MICALL1: variants seen among roughly 807,000 people sequenced by gnomAD.
MICALL1 encodes MICAL-like protein 1.
A neutral mutation model predicts 83.7 loss-of-function variants in MICALL1; 61 were observed. That is an observed-to-expected ratio of 0.73 (90% CI 0.59 to 0.90). The LOEUF (loss-of-function observed/expected upper bound fraction) is 0.90. Ranked by LOEUF, MICALL1 falls within the 40% of genes least tolerant of loss-of-function variation. The pLI, the probability that MICALL1 is intolerant of heterozygous loss-of-function variation, is 0.00. For synonymous variants in MICALL1, 481 were observed against 473.6 expected, an observed-to-expected ratio of 1.02 and a Z score of -0.20; for missense variants, 1,066 against 1,152.0, an observed-to-expected ratio of 0.93 and a Z score of 1.08.
intron 9 of MICALL1, 47 bp downstream of exon 9, chr22:37,927,873 A>G (rs772526206): frequency 3.2e-5 from 49 of 1,536,758 alleles, no homozygotes; most frequent in Non-Finnish European, 4.2e-5. Flanking sequence ...TCTCTAGTGG[A>G]TGCGGGTCTG....
intron 8 of MICALL1, among the ~76,000 whole-genome samples, chr22:37,926,378 A>C (rs1387572235): frequency 1.3e-5 from 2 of 152,124 alleles, no homozygotes; most frequent in Non-Finnish European, 2.9e-5. Flanking sequence ...TGGTGTGCTC[A>C]GTGCAGCGAG....
intron 1 of MICALL1, chr22:37,907,033 C>T (rs1290334743): frequency 6.5e-6 from 1 of 152,692 alleles, no homozygotes; most frequent in Admixed American, 6.5e-5. Flanking sequence ...TGAACCCCCA[C>T]TTCTCTGACC....
chr22:37,918,185 C>T (rs560976777), intron 4 of MICALL1, among the ~76,000 whole-genome samples: 3 of 152,214 alleles, frequency 2.0e-5, no homozygotes, highest in Non-Finnish European at 4.4e-5. Context: ...GTAAACTTCC[C>T]GGCTTGATTT....
Position 37,906,321 on chromosome 22 carries a change from G to C in MICALL1, c.-102G>C, listed in dbSNP as rs1419050108. 17 of 887,574 alleles carry C rather than the reference G, an allele frequency of 1.9e-5. No homozygotes were observed. Among genetic ancestry groups the C allele is most frequent in the Admixed American group, 6.2e-5 (1 of 16,196 alleles). The allele number at this position is 887,574 out of a possible 1,614,324, so 55.0% of individuals were successfully genotyped here. A position where few individuals can be genotyped will look rare whatever the true frequency, so the allele number is the denominator to read the frequency against. On this transcript the variant is annotated 5_prime_UTR_variant, in exon 1 of 16. Coordinates refer to ENST00000215957, the MANE Select transcript of MICALL1 (RefSeq NM_033386.4). The surrounding 1 kb of genome is among the most constrained non-coding windows in gnomAD (Gnocchi z 4.4). ...CGCCTGCCGGTCGGCGCCCGAGCTC[G>C]GAGCCGCAGCCGCAGCCGGAAACCG...
chr22:37,908,399 C>G (rs1257547525), intron 1 of MICALL1, among the ~76,000 whole-genome samples: 1 of 151,882 alleles, frequency 6.6e-6, no homozygotes, highest in Non-Finnish European at 1.5e-5. Context: ...CTCCCGGGCT[C>G]AAGCAATCCT....
Position 37,924,358 on chromosome 22 carries a change from G to T in MICALL1, c.1025-302G>T, listed in dbSNP as rs563573353. Reference sequence around the variant, plus strand: ...CTTGGGAGTCCAGGACTTCCAGGAGGAGGTGGCTCCCAGGCTGACTTGAGA... The same window carrying T: ...CTTGGGAGTCCAGGACTTCCAGGAGTAGGTGGCTCCCAGGCTGACTTGAGA... On this transcript the variant is annotated intron_variant, in intron 6 of 15. Coordinates refer to ENST00000215957, the MANE Select transcript of MICALL1 (RefSeq NM_033386.4). This position sits in a 1 kb window ranked among gnomAD's most constrained non-coding sequence, Gnocchi z 5.2. Among the ~76,000 whole-genome samples, 1 of 152,280 alleles carries T rather than the reference G, an allele frequency of 6.6e-6. No individual in the cohort carries two copies. Among genetic ancestry groups the T allele is most frequent in the Non-Finnish European group, 1.5e-5 (1 of 67,996 alleles).
chr22:37,916,744 T>C (rs1369148191), intron 3 of MICALL1, among the ~76,000 whole-genome samples: 1 of 152,124 alleles, frequency 6.6e-6, no homozygotes, highest in African/African-American at 2.4e-5. Context: ...CGAGTGGCTG[T>C]GGGAAATCAG....
chr22:37,906,936 C>G lies in MICALL1; in HGVS notation c.146+368C>G, dbSNP rs1187819886. On this transcript the variant is annotated intron_variant, in intron 1 of 15. Transcript: ENST00000215957. The surrounding 1 kb of genome is among the most constrained non-coding windows in gnomAD (Gnocchi z 4.4). ...TTTGGGGGCCCTGGGCCTCTCCTAC[C>G]CTAAACTCTTCTCCACGGGCTCGCC... 1 of 153,580 alleles carries G rather than the reference C, an allele frequency of 6.5e-6. No individual in the cohort carries two copies. Among genetic ancestry groups the G allele is most frequent in the African/African-American group, 2.4e-5 (1 of 41,516 alleles). The allele number at this position is 153,580 out of a possible 1,614,324, so 9.5% of individuals were successfully genotyped here.
At chr22:37,921,432 G>T (rs924386222) in intron 5 of MICALL1, among the ~76,000 whole-genome samples, 21 of 152,114 alleles carry the variant, frequency 1.4e-4, no homozygotes, top group Admixed American at 1.2e-3. Flanking sequence ...AATTAGCCAG[G>T]TGTGGTGGCA....
chr22:37,935,300 G>A (rs555566678), intron 13 of MICALL1, among the ~76,000 whole-genome samples: 21 of 150,704 alleles, frequency 1.4e-4, no homozygotes, highest in East Asian at 3.9e-4. Flanking sequence ...TCGCTCTGTC[G>A]CCTAGGCTGG....
At chr22:37,912,580 T>A in intron 3 of MICALL1, 88 bp downstream of exon 3, 1 of 1,295,220 alleles carries the variant, frequency 7.7e-7, no homozygotes, top group Non-Finnish European at 1.1e-6. Context: ...TTCTGAGTTG[T>A]AAACAGGCTG....
At chr22:37,940,195 CG>C (rs1159184358) in intron 15 of MICALL1, among the ~76,000 whole-genome samples, 1 of 151,852 alleles carries the variant, frequency 6.6e-6, no homozygotes, top group East Asian at 1.9e-4. Flanking sequence ...GAGGCTGAGG[CG>C]GGGGGGATCA....
intron 9 of MICALL1, 108 bp downstream of exon 9, chr22:37,927,934 GTCTC>G (rs768676027): frequency 8.5e-7 from 1 of 1,178,462 alleles, no homozygotes; most frequent in Non-Finnish European, 1.2e-6. Context: ...TTGAGATGGA[GTCTC>G]TCTCTGTCAC....
Position 37,922,601 on chromosome 22 carries a change from A to AT in MICALL1, c.1024+200dup, listed in dbSNP as rs1198282750. ...ATTATATATATATATATATATATAT[A>AT]TTTTTTTTTTTTTTTTTTTTTTTTT... On this transcript the variant is annotated intron_variant, in intron 6 of 15. Transcript: ENST00000215957. Among the ~76,000 whole-genome samples, 200 of 31,966 alleles carry AT rather than the reference A, an allele frequency of 6.3e-3. 14 individuals are homozygous for AT. Among genetic ancestry groups the AT allele is most frequent in the Non-Finnish European group, 7.0e-3 (111 of 15,816 alleles). The allele number at this position is 31,966 out of a possible 152,430, so 21.0% of individuals were successfully genotyped here. A position where few individuals can be genotyped will look rare whatever the true frequency, so the allele number is the denominator to read the frequency against.
chr22:37,911,362 G>A (rs1000533392), intron 1 of MICALL1, among the ~76,000 whole-genome samples: 1 of 152,228 alleles, frequency 6.6e-6, no homozygotes, highest in Non-Finnish European at 1.5e-5. Flanking sequence ...TTGGGATGCA[G>A]CAAGTTGGTG....
intron 3 of MICALL1, among the ~76,000 whole-genome samples, chr22:37,913,897 C>G (rs1928499652): frequency 7.5e-6 from 1 of 132,704 alleles, no homozygotes; most frequent in Non-Finnish European, 1.6e-5. Context: ...TTTTTTGATA[C>G]AGAGTTTTGC....
intron 5 of MICALL1, among the ~76,000 whole-genome samples, chr22:37,920,426 C>T (rs1223560132): frequency 6.6e-6 from 1 of 151,848 alleles, no homozygotes; most frequent in East Asian, 2.0e-4. Flanking sequence ...GAGGAGGAAA[C>T]AGACTCTACC....
chr22:37,938,993 C>T (rs897065257), intron 15 of MICALL1, among the ~76,000 whole-genome samples: 3 of 151,982 alleles, frequency 2.0e-5, no homozygotes, highest in Non-Finnish European at 4.4e-5. Context: ...TGGCCTCAAG[C>T]GATCTGCCCA....
rs1929543836 is a variant in MICALL1, at chr22:37,927,631, C to G, written c.1686C>G (p.Ser562=). Residue 562 remains serine (S), a synonymous_variant, in exon 9 of 16, where the codon TCC becomes TCG. Transcript: ENST00000215957. The stretch of plus-strand genomic sequence containing the variant: ...TCTCTACCAACTCCTCCCTGGCCTC[C>G]TCTGGGGAACTAGTGGAGCCTAGAG... ...VSLSTNSSLA[S]SGELVEPRVE... 6.2e-7 allele frequency: 1 copy of G among 1,614,156 alleles called. No individual in the cohort carries two copies. The highest frequency in any genetic ancestry group is 8.5e-7 in the Non-Finnish European group (1 of 1,179,982).
Sources: gnomAD v4.1 joint callset for allele counts (sites outside exome capture counted in the v4.1 genomes callset) on GRCh38, gnomAD v4.1.1 for gene constraint, Gnocchi (gnomAD v3.1) non-coding constraint, MANE v1.5 for transcripts, NCBI Gene and HGNC (gene_info 2026-07-23, HGNC 2026-07-21) for gene names.